Variants in KHDRBS2 observed in about 807,000 individuals in gnomAD.
KHDRBS2 encodes KH RNA binding domain containing, signal transduction associated 2, also known as KH domain-containing, RNA-binding, signal transduction-associated protein 2.
A neutral mutation model predicts 44.3 loss-of-function variants in KHDRBS2; 26 were observed. The ratio of observed to expected loss-of-function variants is 0.59; its 90% CI spans 0.43 to 0.81. The LOEUF (loss-of-function observed/expected upper bound fraction) is 0.81. KHDRBS2 is among the 40% of genes least tolerant of loss of function. KHDRBS2 has a pLI of 0.00. For missense variants in KHDRBS2, 476 were observed against 433.1 expected (o/e 1.10, Z -0.88); for synonymous variants, 194 against 151.1 (o/e 1.28, Z -2.08).
At chr6:61,956,487 C>G (rs948676080) in intron 4 of KHDRBS2, among the ~76,000 whole-genome samples, 30 of 152,060 alleles carry the variant, frequency 2.0e-4, no homozygotes, top group African/African-American at 7.0e-4. Context: ...GCCAGTACAT[C>G]TTTTTTTACT....
chr6:62,117,758 T>A (rs1806614809), intron 2 of KHDRBS2, among the ~76,000 whole-genome samples: 2 of 152,148 alleles, frequency 1.3e-5, no homozygotes, highest in Non-Finnish European at 2.9e-5. Context: ...TTTAAATATT[T>A]AAGCCATTTT....
At chr6:62,072,192 G>A (rs1164143002) in intron 2 of KHDRBS2, among the ~76,000 whole-genome samples, 2 of 152,138 alleles carry the variant, frequency 1.3e-5, no homozygotes, top group Non-Finnish European at 2.9e-5. Flanking sequence ...CATTGATTTT[G>A]TATCCTGAGA....
intron 3 of KHDRBS2, among the ~76,000 whole-genome samples, chr6:62,022,424 G>A (rs1192460): frequency 0.9 from 135,644 of 151,532 alleles, 61,438 homozygotes; most frequent in Non-Finnish European, 0.96. Flanking sequence ...AAACTGGAGA[G>A]TGTGTTTTCT....
intron 6 of KHDRBS2, among the ~76,000 whole-genome samples, chr6:61,803,060 G>A (rs1786541153): frequency 6.6e-6 from 1 of 152,196 alleles, no homozygotes. Context: ...CATGGATTTA[G>A]TTTAAATCTT....
At position 62,209,187 on chromosome 6, in the gene KHDRBS2, T is replaced by C. The variant is rs114167031; in HGVS notation, c.92-31875A>G. On this transcript the variant is annotated intron_variant, in intron 1 of 8. Coordinates refer to ENST00000281156, the MANE Select transcript of KHDRBS2 (RefSeq NM_152688.4). ...CAAATAACCTGATTAAAGGGAACTG[T>C]AGTTTTGACAGCATAAAGCAGTAAA... Among the ~76,000 whole-genome samples, 813 of 152,294 alleles carry C rather than the reference T, an allele frequency of 5.3e-3. 11 individuals are homozygous for C. The highest frequency in any genetic ancestry group is 0.019 in the African/African-American group (775 of 41,566).
chr6:61,576,148 G>T, the KHDRBS2 span, among the ~76,000 whole-genome samples: 1 of 151,806 alleles, frequency 6.6e-6, no homozygotes, highest in South Asian at 2.1e-4. Flanking sequence ...GATAGGGATT[G>T]CATTGAATCT....
intron 7 of KHDRBS2, among the ~76,000 whole-genome samples, chr6:61,711,384 C>A (rs1770491001): frequency 6.6e-6 from 1 of 151,506 alleles, no homozygotes; most frequent in Non-Finnish European, 1.5e-5. Context: ...AATTTATATT[C>A]AAAAGATAGT....
intron 3 of KHDRBS2, among the ~76,000 whole-genome samples, chr6:61,986,028 A>C (rs1000891793): frequency 1.2e-4 from 19 of 152,194 alleles, no homozygotes; most frequent in Admixed American, 3.3e-4. Flanking sequence ...TTAAAAAAAA[A>C]ATGAATTTTG....
At chr6:62,136,333 G>C (rs977482572) in intron 2 of KHDRBS2, among the ~76,000 whole-genome samples, 1 of 152,174 alleles carries the variant, frequency 6.6e-6, no homozygotes, top group African/African-American at 2.4e-5. Flanking sequence ...CATAAGAAAA[G>C]TGGAACTAAG....
the KHDRBS2 span, among the ~76,000 whole-genome samples, chr6:61,561,470 G>T: frequency 6.6e-6 from 1 of 152,182 alleles, no homozygotes; most frequent in Admixed American, 6.5e-5. Context: ...GTTCAGAGAT[G>T]CTGTCTGGGA....
chr6:62,026,441 T>TTA (rs369002597), intron 3 of KHDRBS2, among the ~76,000 whole-genome samples: 28,423 of 121,160 alleles, frequency 0.23, 3,194 homozygotes, highest in Admixed American at 0.34. Context: ...TATTATTATT[T>TTA]TTTTTTTTGG....
intron 6 of KHDRBS2, among the ~76,000 whole-genome samples, chr6:61,784,537 A>G (rs1223046609): frequency 6.6e-6 from 1 of 152,068 alleles, no homozygotes; most frequent in East Asian, 1.9e-4. Flanking sequence ...CTGGAAATTT[A>G]TATGGTATGA....
intron 7 of KHDRBS2, among the ~76,000 whole-genome samples, chr6:61,725,022 G>A (rs772417695): frequency 1.3e-5 from 2 of 151,986 alleles, no homozygotes; most frequent in Non-Finnish European, 2.9e-5. Flanking sequence ...TTCTCATCAT[G>A]ACATGGCACT....
chr6:61,782,738 T>TATAC (rs1554206170), intron 6 of KHDRBS2, among the ~76,000 whole-genome samples: 8 of 117,868 alleles, frequency 6.8e-5, no homozygotes, highest in African/African-American at 1.8e-4. Context: ...TATATATATA[T>TATAC]ACACACACAC....
intron 6 of KHDRBS2, among the ~76,000 whole-genome samples, chr6:61,825,292 A>G (rs1790655426): frequency 6.6e-6 from 1 of 152,174 alleles, no homozygotes; most frequent in Non-Finnish European, 1.5e-5. Flanking sequence ...TGAATTATCA[A>G]TTTAAAATAG....
At chr6:61,614,529 T>G in the KHDRBS2 span, among the ~76,000 whole-genome samples, 1 of 152,192 alleles carries the variant, frequency 6.6e-6, no homozygotes, top group African/African-American at 2.4e-5. Flanking sequence ...TTTCATCTGT[T>G]CAGTGATTTT....
intron 6 of KHDRBS2, among the ~76,000 whole-genome samples, chr6:61,734,155 CTAT>C (rs1291250901): frequency 1.3e-5 from 2 of 152,080 alleles, no homozygotes; most frequent in Non-Finnish European, 2.9e-5. Flanking sequence ...TCATATAATG[CTAT>C]TATTTACATA....
intron 3 of KHDRBS2, among the ~76,000 whole-genome samples, chr6:62,005,116 A>G (rs1369873195): frequency 6.6e-6 from 1 of 152,010 alleles, no homozygotes; most frequent in Non-Finnish European, 1.5e-5. Flanking sequence ...CAATCTCTTG[A>G]TGTTCTTGGT....
intron 1 of KHDRBS2, among the ~76,000 whole-genome samples, chr6:62,198,916 A>T (rs532566845): frequency 5.9e-5 from 9 of 152,128 alleles, no homozygotes; most frequent in Admixed American, 2.0e-4. Context: ...ATCCCTGGGA[A>T]GCGAGGCTGG....
Sources: allele counts gnomAD v4.1 joint callset (sites outside exome capture counted in the v4.1 genomes callset), GRCh38; gene constraint gnomAD v4.1.1; transcripts MANE v1.5; gene names NCBI Gene and HGNC (gene_info 2026-07-23, HGNC 2026-07-21).